The following SLC24A3 variants were observed in gnomAD, a reference collection of about 807,000 sequenced individuals.
SLC24A3 encodes sodium/potassium/calcium exchanger 3.
Under a neutral mutation model 75.8 loss-of-function variants are expected in SLC24A3, and 28 were observed. That is an observed-to-expected ratio of 0.37 (90% CI 0.27 to 0.51). The LOEUF is 0.51. Among genes scored for constraint, SLC24A3 ranks in the 20% least tolerant of loss-of-function variants. The pLI is 0.94. For synonymous variants in SLC24A3, 372 were observed against 334.1 expected (o/e 1.11, Z -1.24); for missense variants, 663 against 847.8 (o/e 0.78, Z 2.71).
At chr20:19,229,615 G>T (rs1025384389) in intron 1 of SLC24A3, among the ~76,000 whole-genome samples, 1 of 88,902 alleles carries the variant, frequency 1.1e-5, no homozygotes, top group East Asian at 1.8e-3. Context: ...GAGTGTGTGT[G>T]TGTATATATA....
intron 8 of SLC24A3, among the ~76,000 whole-genome samples, chr20:19,673,267 T>C (rs547135964): frequency 6.6e-6 from 1 of 152,178 alleles, no homozygotes; most frequent in Non-Finnish European, 1.5e-5. Flanking sequence ...CTGAATAGTT[T>C]CAGTGAATGA....
chr20:19,516,994 A>T (rs1009212307), intron 3 of SLC24A3, among the ~76,000 whole-genome samples: 7 of 152,144 alleles, frequency 4.6e-5, no homozygotes, highest in Non-Finnish European at 1.0e-4. Flanking sequence ...GGTAAAATCA[A>T]TCAACTCTTC....
At chr20:19,292,664 T>G (rs1207497641) in intron 2 of SLC24A3, among the ~76,000 whole-genome samples, 1 of 151,902 alleles carries the variant, frequency 6.6e-6, no homozygotes, top group South Asian at 2.1e-4. Flanking sequence ...GTCGCAGGGA[T>G]GAGGTTGAGA....
chr20:19,477,496 AT>A (rs1987980653), intron 2 of SLC24A3, among the ~76,000 whole-genome samples: 1 of 152,230 alleles, frequency 6.6e-6, no homozygotes, highest in African/African-American at 2.4e-5. Context: ...ACCCAGAAGT[AT>A]TTTTGAGCTA....
chr20:19,710,623 A>G (rs2032977415), intron 15 of SLC24A3, among the ~76,000 whole-genome samples: 1 of 152,170 alleles, frequency 6.6e-6, no homozygotes, highest in African/African-American at 2.4e-5. Context: ...TGCGTCTTTG[A>G]GGCAGGGAGG....
chr20:19,572,502 G>A (rs2031069416), intron 3 of SLC24A3, among the ~76,000 whole-genome samples: 1 of 152,162 alleles, frequency 6.6e-6, no homozygotes, highest in Non-Finnish European at 1.5e-5. Context: ...CAACATTTGA[G>A]GGCTCCCATG....
intron 1 of SLC24A3, among the ~76,000 whole-genome samples, chr20:19,239,947 A>C (rs1407258428): frequency 6.6e-6 from 1 of 152,070 alleles, no homozygotes; most frequent in Admixed American, 6.5e-5. Flanking sequence ...GGAGAAGCAC[A>C]ATCTGCGGTT....
At chr20:19,692,409 C>T (rs1270253522) in intron 12 of SLC24A3, among the ~76,000 whole-genome samples, 1 of 152,112 alleles carries the variant, frequency 6.6e-6, no homozygotes, top group Non-Finnish European at 1.5e-5. Context: ...GATAACAAAT[C>T]GTAGCACATT....
intron 2 of SLC24A3, among the ~76,000 whole-genome samples, chr20:19,441,429 C>G (rs1215272746): frequency 6.6e-6 from 1 of 152,060 alleles, no homozygotes; most frequent in Non-Finnish European, 1.5e-5. Context: ...TGCACAGTCC[C>G]CACTCTGCTA....
intron 1 of SLC24A3, among the ~76,000 whole-genome samples, chr20:19,235,766 C>T (rs558829507): frequency 1.3e-5 from 2 of 152,332 alleles, no homozygotes; most frequent in East Asian, 1.9e-4. Context: ...CCCTGCAGAA[C>T]ATCCATTCAT....
intron 2 of SLC24A3, among the ~76,000 whole-genome samples, chr20:19,434,313 C>T (rs921531120): frequency 2.0e-5 from 3 of 152,180 alleles, no homozygotes; most frequent in African/African-American, 7.2e-5. Flanking sequence ...GCAGCGAGGG[C>T]TTGGGAAAGC....
intron 2 of SLC24A3, among the ~76,000 whole-genome samples, chr20:19,399,319 T>A (rs1356441963): frequency 6.6e-6 from 1 of 152,154 alleles, no homozygotes. Context: ...GCTCTTCTTT[T>A]CTTAGTTTCT....
chr20:19,477,755 C>A (rs771716077), intron 2 of SLC24A3, among the ~76,000 whole-genome samples: 2 of 152,192 alleles, frequency 1.3e-5, no homozygotes, highest in Non-Finnish European at 2.9e-5. Flanking sequence ...GCTCCTCTGA[C>A]AATTTCTCCC....
intron 2 of SLC24A3, among the ~76,000 whole-genome samples, chr20:19,328,074 A>C (rs1467224351): frequency 6.6e-6 from 1 of 152,200 alleles, no homozygotes; most frequent in East Asian, 1.9e-4. Context: ...ACATTTGAGC[A>C]GTCTCTGAAG....
chr20:19,683,756 G>A (rs536130351), intron 10 of SLC24A3, among the ~76,000 whole-genome samples: 1 of 152,190 alleles, frequency 6.6e-6, no homozygotes, highest in Non-Finnish European at 1.5e-5. Context: ...TTCTCTTATG[G>A]TATCATTAAT....
At chr20:19,646,887 T>A (rs959400137) in intron 6 of SLC24A3, among the ~76,000 whole-genome samples, 1 of 145,544 alleles carries the variant, frequency 6.9e-6, no homozygotes, top group Non-Finnish European at 1.5e-5. Context: ...TTTCTCTGAA[T>A]ATTGGATTAC....
intron 2 of SLC24A3, among the ~76,000 whole-genome samples, chr20:19,281,965 G>C (rs1412807668): frequency 6.6e-6 from 1 of 152,104 alleles, no homozygotes; most frequent in African/African-American, 2.4e-5. Flanking sequence ...GAAGCTCTCT[G>C]GGGCTTTCTG....
chr20:19,507,259 C>T, intron 2 of SLC24A3, among the ~76,000 whole-genome samples: 1 of 152,192 alleles, frequency 6.6e-6, no homozygotes, highest in Non-Finnish European at 1.5e-5. Context: ...TAACCTCCCT[C>T]CCCCAGTCTA....
In SLC24A3 at chr20:19,377,137, C is replaced by A. The variant is rs560175302; in HGVS notation, c.271+96050C>A. Among the ~76,000 whole-genome samples, 15 of 152,260 alleles carry A rather than the reference C, an allele frequency of 9.9e-5. No homozygotes were observed. The East Asian group carries it at 1.9e-3, about 20-fold the overall frequency. On this transcript the variant is annotated intron_variant, in intron 2 of 16. Transcript: ENST00000328041. ...TACATTTCCCCCATTTTCCACTCAG[C>A]CAAGTTGGGCATTTGGTGGGTACTT...
Sources: gnomAD v4.1 joint callset for allele counts (sites outside exome capture counted in the v4.1 genomes callset) on GRCh38, gnomAD v4.1.1 for gene constraint, MANE v1.5 for transcripts, NCBI Gene and HGNC (gene_info 2026-07-23, HGNC 2026-07-21) for gene names.